The following NOVA1 variants were observed in gnomAD, a reference collection of about 807,000 sequenced individuals.
The protein encoded by NOVA1 is NOVA alternative splicing regulator 1, also known as RNA-binding protein Nova-1.
Under a neutral mutation model 38.0 loss-of-function variants are expected in NOVA1, and 7 were observed. The ratio of observed to expected loss-of-function variants is 0.18; its 90% CI spans 0.10 to 0.35. The LOEUF is 0.35. NOVA1 is among the 10% of genes least tolerant of loss of function. The probability of loss-of-function intolerance (pLI) is 1.00; values close to 1 mark genes in which losing one functional copy is unlikely to be tolerated. For missense variants in NOVA1, 460 were observed against 616.0 expected (o/e 0.75, Z 2.68); for synonymous variants, 270 against 232.5 (o/e 1.16, Z -1.47).
intron 2 of NOVA1, among the ~76,000 whole-genome samples, chr14:26,529,660 G>T (rs1366277547): frequency 6.6e-6 from 1 of 152,106 alleles, no homozygotes; most frequent in Non-Finnish European, 1.5e-5. Flanking sequence ...GTTTCTCATG[G>T]TCTCCCAGGT....
intron 4 of NOVA1, among the ~76,000 whole-genome samples, chr14:26,450,149 G>A (rs796729188): frequency 5.3e-5 from 8 of 152,186 alleles, no homozygotes; most frequent in African/African-American, 1.9e-4. Context: ...TAAAAAAAGT[G>A]CTAAAATTTG....
chr14:26,475,725 T>C (rs1313902215), intron 3 of NOVA1, among the ~76,000 whole-genome samples: 1 of 152,192 alleles, frequency 6.6e-6, no homozygotes, highest in East Asian at 1.9e-4. Flanking sequence ...TCTTTTGGAA[T>C]ATAGTTTTTT....
chr14:26,597,012 T>G, intron 1 of NOVA1: 2 of 1,263,816 alleles, frequency 1.6e-6, no homozygotes, highest in African/African-American at 1.5e-5. Flanking sequence ...GATATTTACA[T>G]GGTCAACCTC....
chr14:26,596,771 TAAGGG>T, intron 1 of NOVA1: 1 of 1,245,564 alleles, frequency 8.0e-7, no homozygotes, highest in African/African-American at 1.5e-5. Flanking sequence ...CTAAGTGCGG[TAAGGG>T]CATGCACTCA....
chr14:26,502,053 A>G (rs1887280120), intron 2 of NOVA1, among the ~76,000 whole-genome samples: 1 of 151,602 alleles, frequency 6.6e-6, no homozygotes, highest in African/African-American at 2.4e-5. Context: ...AACAGAATCA[A>G]CTAAACAAAT....
At position 26,462,686 on chromosome 14, in the gene NOVA1, CT is replaced by C. The variant is rs1412268836; in HGVS notation, c.519+9633del. Among the ~76,000 whole-genome samples the C allele has an allele frequency of 5.9e-5, 9 of 152,236 alleles. No individual in the cohort carries two copies. In the East Asian group the frequency reaches 1.7e-3, roughly 29 times the overall value. ...CACTCCCTTTGCCAGTCAGTAAGTGCTTCCTCTAGGCCTGAAGCCTCTCCCC... is the reference window on the plus strand; with the variant it reads ...CACTCCCTTTGCCAGTCAGTAAGTGCTCCTCTAGGCCTGAAGCCTCTCCCC... On this transcript the variant is annotated intron_variant, in intron 4 of 4. Transcript: ENST00000539517.
At chr14:26,466,973 G>A (rs924189819) in intron 4 of NOVA1, among the ~76,000 whole-genome samples, 2 of 152,054 alleles carry the variant, frequency 1.3e-5, no homozygotes, top group African/African-American at 4.8e-5. Flanking sequence ...ACCATCACAG[G>A]TATTCTGTTA....
chr14:26,536,069 G>A (rs536784666), intron 2 of NOVA1, among the ~76,000 whole-genome samples: 1 of 152,152 alleles, frequency 6.6e-6, no homozygotes, highest in Admixed American at 6.5e-5. Context: ...AACATGGCTG[G>A]AACTGGAGAT....
At chr14:26,509,689 T>C (rs1594431897) in intron 2 of NOVA1, among the ~76,000 whole-genome samples, 1 of 151,804 alleles carries the variant, frequency 6.6e-6, no homozygotes, top group Non-Finnish European at 1.5e-5. Flanking sequence ...GCATATGGGG[T>C]TTTTTCTTGA....
At chr14:26,468,618 A>G (rs537422320) in intron 4 of NOVA1, among the ~76,000 whole-genome samples, 2 of 152,222 alleles carry the variant, frequency 1.3e-5, no homozygotes, top group Non-Finnish European at 2.9e-5. Flanking sequence ...CATCTAGAGA[A>G]TAAGAGAATA....
At chr14:26,582,543 G>A (rs1395636554) in intron 2 of NOVA1, among the ~76,000 whole-genome samples, 1 of 151,624 alleles carries the variant, frequency 6.6e-6, no homozygotes, top group Non-Finnish European at 1.5e-5. Flanking sequence ...TAAAAATATT[G>A]TGAACAATTC....
intron 4 of NOVA1, among the ~76,000 whole-genome samples, chr14:26,458,411 A>G (rs1883356456): frequency 1.3e-5 from 2 of 152,146 alleles, no homozygotes; most frequent in Non-Finnish European, 2.9e-5. Context: ...CAAAATAGCA[A>G]AGACATGGGA....
rs535422202 is a variant in NOVA1, at chr14:26,535,463, C to T, written c.281-55320G>A. ...ACAATAGGGCCAGGGAATTATTATT[C>T]TAGTAGATACTTTACAATACAGAGA... On this transcript the variant is annotated intron_variant, in intron 2 of 4. Transcript: ENST00000539517. Among the ~76,000 whole-genome samples the T allele has an allele frequency of 3.9e-5, 6 of 152,168 alleles. No individual in the cohort carries two copies. The South Asian group carries it at 1.2e-3, about 32-fold the overall frequency.
At chr14:26,484,451 A>C (rs897346954) in intron 2 of NOVA1, among the ~76,000 whole-genome samples, 11 of 151,106 alleles carry the variant, frequency 7.3e-5, no homozygotes, top group Admixed American at 1.3e-4. Flanking sequence ...AAAAAAAAAA[A>C]AAAAAAAAAA....
intron 2 of NOVA1, among the ~76,000 whole-genome samples, chr14:26,592,493 C>T (rs577765272): frequency 3.5e-4 from 53 of 151,052 alleles, no homozygotes; most frequent in Non-Finnish European, 7.7e-4. Flanking sequence ...TTACGTAGTA[C>T]AGCAAAAATG....
intron 2 of NOVA1, among the ~76,000 whole-genome samples, chr14:26,561,892 T>C (rs538442157): frequency 9.2e-5 from 14 of 152,310 alleles, no homozygotes; most frequent in Admixed American, 7.8e-4. Context: ...GAACACTATG[T>C]CCTAGTTCAG....
chr14:26,465,535 T>C (rs993711212), intron 4 of NOVA1, among the ~76,000 whole-genome samples: 10 of 152,106 alleles, frequency 6.6e-5, no homozygotes, highest in Non-Finnish European at 1.5e-5. Flanking sequence ...GCCCAGCTGG[T>C]TTTCAAATTG....
intron 2 of NOVA1, among the ~76,000 whole-genome samples, chr14:26,544,749 G>A (rs1254278020): frequency 6.6e-6 from 1 of 152,020 alleles, no homozygotes; most frequent in African/African-American, 2.4e-5. Flanking sequence ...AGAGAAGCAA[G>A]AATAGAGTAG....
intron 2 of NOVA1, among the ~76,000 whole-genome samples, chr14:26,538,357 G>C (rs1386031997): frequency 2.0e-5 from 3 of 151,714 alleles, no homozygotes; most frequent in East Asian, 1.9e-4. Flanking sequence ...ATGGCAGAGA[G>C]GTGAGAAAAT....
Sources: allele counts gnomAD v4.1 joint callset (sites outside exome capture counted in the v4.1 genomes callset), GRCh38; gene constraint gnomAD v4.1.1; transcripts MANE v1.5; gene names NCBI Gene and HGNC (gene_info 2026-07-23, HGNC 2026-07-21).